Variants in PRKG2 observed in about 807,000 individuals in gnomAD.
PRKG2 encodes cGMP-dependent protein kinase 2.
In PRKG2, 33 loss-of-function variants were observed where a neutral mutation model predicts 97.2. The observed-to-expected ratio is 0.34, with a 90% CI of 0.26 to 0.45. The LOEUF (loss-of-function observed/expected upper bound fraction) is 0.45. Among genes scored for constraint, PRKG2 ranks in the 20% least tolerant of loss-of-function variants. The pLI is 1.00. For synonymous variants in PRKG2, 330 were observed against 321.8 expected (o/e 1.03, Z -0.27); for missense variants, 638 against 900.0 (o/e 0.71, Z 3.73).
In PRKG2 at chr4:81,205,065, G is replaced by A. The variant is rs1486000568; in HGVS notation, c.-13-5C>T. On this transcript the variant is annotated splice_region_variant and splice_polypyrimidine_tract_variant and intron_variant, in intron 1 of 18. Coordinates refer to ENST00000264399, the MANE Select transcript of PRKG2 (RefSeq NM_006259.3). ...TTTCCCATTTTGCTCAGGGACCTGAGAAGGCACAGAATTGGGAAGTATCAA... is the reference window on the plus strand; with the variant it reads ...TTTCCCATTTTGCTCAGGGACCTGAAAAGGCACAGAATTGGGAAGTATCAA... 5 of 1,560,340 alleles carry A rather than the reference G, an allele frequency of 3.2e-6. No homozygotes were observed. Among genetic ancestry groups the A allele is most frequent in the African/African-American group, 1.4e-5 (1 of 73,694 alleles).
intron 2 of PRKG2, among the ~76,000 whole-genome samples, chr4:81,180,685 T>C (rs1225749005): frequency 6.6e-6 from 1 of 152,104 alleles, no homozygotes; most frequent in Non-Finnish European, 1.5e-5. Flanking sequence ...TCTGGGAGAT[T>C]TTAACACATC....
chr4:81,187,714 AC>A (rs1752008676), intron 2 of PRKG2, among the ~76,000 whole-genome samples: 1 of 152,192 alleles, frequency 6.6e-6, no homozygotes, highest in African/African-American at 2.4e-5. Context: ...TATTTCGCAA[AC>A]CCCATCGTCT....
chr4:81,099,796 T>C (rs1172863438), intron 17 of PRKG2, among the ~76,000 whole-genome samples: 4 of 152,304 alleles, frequency 2.6e-5, no homozygotes, highest in African/African-American at 7.2e-5. Context: ...GATGACATGA[T>C]TGTGTATCTA....
chr4:81,116,004 A>G (rs951660753), intron 14 of PRKG2, among the ~76,000 whole-genome samples: 8 of 152,104 alleles, frequency 5.3e-5, no homozygotes, highest in African/African-American at 1.9e-4. Flanking sequence ...TACATCCACA[A>G]CTATACTAAA....
chr4:81,211,948 A>G (rs1407299104), intron 1 of PRKG2, among the ~76,000 whole-genome samples: 2 of 152,080 alleles, frequency 1.3e-5, no homozygotes. Flanking sequence ...TGGATAGGAA[A>G]CTGATACATT....
intron 9 of PRKG2, among the ~76,000 whole-genome samples, 188 bp downstream of exon 9, chr4:81,148,696 G>A (rs2110052128): frequency 6.6e-6 from 1 of 152,236 alleles, no homozygotes; most frequent in South Asian, 2.1e-4. Context: ...ATCTGCCCCT[G>A]CCACAGACCG....
At chr4:81,094,977 G>A (rs1439235485) in intron 17 of PRKG2, among the ~76,000 whole-genome samples, 1 of 152,138 alleles carries the variant, frequency 6.6e-6, no homozygotes, top group Non-Finnish European at 1.5e-5. Context: ...GGGCCAGAAT[G>A]GGATGGTGAT....
At chr4:81,217,304 C>A (rs377205959), upstream of PRKG2, among the ~76,000 whole-genome samples, 18 of 152,104 alleles carry the variant, frequency 1.2e-4, 1 homozygote, top group African/African-American at 4.3e-4. Flanking sequence ...CACACTGGGT[C>A]AACTGGGTCA....
chr4:81,170,810 T>C (rs979019637), intron 4 of PRKG2, among the ~76,000 whole-genome samples: 1 of 152,104 alleles, frequency 6.6e-6, no homozygotes, highest in Non-Finnish European at 1.5e-5. Flanking sequence ...ACATTTTCAT[T>C]GGTTTAATTA....
At chr4:81,201,480 C>T (rs772011612) in intron 2 of PRKG2, among the ~76,000 whole-genome samples, 2 of 152,152 alleles carry the variant, frequency 1.3e-5, no homozygotes, top group Non-Finnish European at 2.9e-5. Flanking sequence ...TCATTATGAG[C>T]TCCTCCATAT....
rs367609646 is a variant in PRKG2, at chr4:81,174,787, A to G, written c.628+6T>C. Reference sequence around the variant, plus strand: ...TTATATATCTGGAAAAATCTGTGAAACCCACCTGCCAGCACAAAGATATGG... The same window carrying G: ...TTATATATCTGGAAAAATCTGTGAAGCCCACCTGCCAGCACAAAGATATGG... On this transcript the variant is annotated splice_donor_region_variant and intron_variant, in intron 3 of 18. Coordinates refer to ENST00000264399, the MANE Select transcript of PRKG2 (RefSeq NM_006259.3). The G allele has an allele frequency of 1.3e-4, 211 of 1,597,388 alleles. No individual in the cohort carries two copies. The highest frequency in any genetic ancestry group is 1.7e-4 in the Non-Finnish European group (197 of 1,173,598).
rs116722379 is a variant in PRKG2, at chr4:81,131,583, C to T, written c.1776+3572G>A. On this transcript the variant is annotated intron_variant, in intron 14 of 18. Coordinates refer to ENST00000264399, the MANE Select transcript of PRKG2 (RefSeq NM_006259.3). ...TATTTGTATTCTAAGAAATATTGGC[C>T]CACCTCAAATTGTGAAAATATTACC... Among the ~76,000 whole-genome samples the T allele has an allele frequency of 3.7e-3, 558 of 151,972 alleles. 1 individual carries two copies. Among genetic ancestry groups the T allele is most frequent in the African/African-American group, 0.013 (518 of 41,430 alleles).
intron 14 of PRKG2, among the ~76,000 whole-genome samples, chr4:81,123,561 T>C (rs1210352570): frequency 6.6e-6 from 1 of 152,094 alleles, no homozygotes; most frequent in African/African-American, 2.4e-5. Context: ...CCTGCCACCA[T>C]GCCTGGCTAA....
chr4:81,188,089 T>C lies in PRKG2; in HGVS notation c.462-13130A>G, dbSNP rs184000541. On this transcript the variant is annotated intron_variant, in intron 2 of 18. Coordinates refer to ENST00000264399, the MANE Select transcript of PRKG2 (RefSeq NM_006259.3). ...CTACCATCAGAGTGAACAGGCAACCTACAAAATGGGAGAAAATTTTTGCAA... is the reference window on the plus strand; with the variant it reads ...CTACCATCAGAGTGAACAGGCAACCCACAAAATGGGAGAAAATTTTTGCAA... Among the ~76,000 whole-genome samples the C allele has an allele frequency of 8.9e-4, 135 of 152,178 alleles. No homozygotes were observed. In the East Asian group the frequency reaches 0.024, roughly 27 times the overall value.
At chr4:81,166,819 T>C (rs917740019) in intron 6 of PRKG2, among the ~76,000 whole-genome samples, 19 of 152,168 alleles carry the variant, frequency 1.2e-4, no homozygotes, top group Non-Finnish European at 5.9e-5. Context: ...CTTTATACTA[T>C]GAAAACTCTG....
Position 81,092,462 on chromosome 4 carries a change from GAGAAAGGAAGGA to G in PRKG2, c.2127-22_2127-11del. On this transcript the variant is annotated splice_polypyrimidine_tract_variant and intron_variant, in intron 17 of 18. Coordinates refer to ENST00000264399, the MANE Select transcript of PRKG2 (RefSeq NM_006259.3). The stretch of plus-strand genomic sequence containing the variant: ...AAAACCATTTAACCACCTGAGAAAT[GAGAAAGGAAGGA>G]AGGAAGGAAGGAAGGAAGGAAGGAA... 2 of 1,063,792 alleles carry G rather than the reference GAGAAAGGAAGGA, an allele frequency of 1.9e-6. No individual in the cohort carries two copies. Among genetic ancestry groups the G allele is most frequent in the Non-Finnish European group, 2.5e-6 (2 of 790,196 alleles). The allele number at this position is 1,063,792 out of a possible 1,614,324, so 65.9% of individuals were successfully genotyped here. A position where few individuals can be genotyped will look rare whatever the true frequency, so the allele number is the denominator to read the frequency against.
At chr4:81,104,299 A>G in intron 17 of PRKG2, 71 bp downstream of exon 17, 1 of 1,171,976 alleles carries the variant, frequency 8.5e-7, no homozygotes, top group Non-Finnish European at 1.2e-6. Flanking sequence ...GCCTCCTGAG[A>G]GAAGCTTTTG....
chr4:81,169,908 G>A (rs775307052), intron 4 of PRKG2, 140 bp from the exon 5 acceptor site: 10 of 532,234 alleles, frequency 1.9e-5, no homozygotes, highest in Non-Finnish European at 2.8e-5. Context: ...TACAAATGAA[G>A]GAGACAGAAA....
chr4:81,192,759 A>C (rs887694359), intron 2 of PRKG2, among the ~76,000 whole-genome samples: 1 of 152,062 alleles, frequency 6.6e-6, no homozygotes, highest in Non-Finnish European at 1.5e-5. Context: ...CCATAGAACA[A>C]GGAGGCACTG....
Sources: allele counts gnomAD v4.1 joint callset (sites outside exome capture counted in the v4.1 genomes callset), GRCh38; gene constraint gnomAD v4.1.1; transcripts MANE v1.5; gene names NCBI Gene and HGNC (gene_info 2026-07-23, HGNC 2026-07-21).